The following SAMD5 variants were observed in gnomAD, a reference collection of about 807,000 sequenced individuals.
SAMD5 encodes the protein sterile alpha motif domain containing 5.
Under a neutral mutation model 11.3 loss-of-function variants are expected in SAMD5, and 13 were observed. The observed-to-expected ratio is 1.15, with a 90% CI of 0.75 to 1.83. SAMD5 has a LOEUF of 1.83. SAMD5 is among the 40% of genes most tolerant of loss of function. The probability of loss-of-function intolerance (pLI) is 0.00; values close to 1 mark genes in which losing one functional copy is unlikely to be tolerated. For missense variants in SAMD5, 255 were observed against 239.1 expected (o/e 1.07, Z -0.44); for synonymous variants, 129 against 111.3 (o/e 1.16, Z -1.00).
chr6:147,675,520 G>A (rs973759700), intron 1 of SAMD5, among the ~76,000 whole-genome samples: 1 of 152,188 alleles, frequency 6.6e-6, no homozygotes, highest in Non-Finnish European at 1.5e-5. Context: ...AGGGATGAAT[G>A]TTTCTTTGTT....
At chr6:147,939,329 C>T in the SAMD5 span, among the ~76,000 whole-genome samples, 3 of 152,118 alleles carry the variant, frequency 2.0e-5, no homozygotes, top group African/African-American at 7.2e-5. Flanking sequence ...ACTGATGACT[C>T]AGTCTCTAGC....
intron 1 of SAMD5, among the ~76,000 whole-genome samples, chr6:147,695,298 A>G (rs1791159587): frequency 6.6e-6 from 1 of 151,830 alleles, no homozygotes; most frequent in Non-Finnish European, 1.5e-5. Context: ...AATTAATGAG[A>G]TCTGCTTTGA....
intron 1 of SAMD5, among the ~76,000 whole-genome samples, chr6:147,627,214 G>A (rs371096765): frequency 2.7e-4 from 41 of 152,128 alleles, no homozygotes; most frequent in South Asian, 1.7e-3. Context: ...TTCTCTTTCC[G>A]TGTGTCAAAA....
Position 147,566,330 on chromosome 6 carries a change from A to C in SAMD5, c.*1874A>C. ...TGAACTAGGGTCTTTAAAATTCCTA[A>C]GTAGATTCTTTTGAGTGGTAGGGGA... On this transcript the variant is annotated 3_prime_UTR_variant, in exon 2 of 2. Transcript: ENST00000367474. 4.1e-6 allele frequency: 4 copies of C among 980,728 alleles called. No individual in the cohort carries two copies. The highest frequency in any genetic ancestry group is 3.6e-6 in the Non-Finnish European group (3 of 825,574). 60.8% of individuals were successfully genotyped at this position (980,728 alleles called of 1,614,324 possible). A position where few individuals can be genotyped will look rare whatever the true frequency, so the allele number is the denominator to read the frequency against.
At chr6:147,623,763 A>G (rs1790007344) in intron 1 of SAMD5, among the ~76,000 whole-genome samples, 2 of 152,264 alleles carry the variant, frequency 1.3e-5, no homozygotes, top group Non-Finnish European at 1.5e-5. Flanking sequence ...AGCACATTAG[A>G]GAAATGAAGA....
At chr6:147,662,465 CAT>C (rs1790661547) in intron 1 of SAMD5, among the ~76,000 whole-genome samples, 1 of 152,144 alleles carries the variant, frequency 6.6e-6, no homozygotes, top group South Asian at 2.1e-4. Flanking sequence ...GGCTGATTTC[CAT>C]TTCAATATGT....
At chr6:147,681,967 G>C (rs1355328729) in intron 1 of SAMD5, among the ~76,000 whole-genome samples, 2 of 152,154 alleles carry the variant, frequency 1.3e-5, no homozygotes, top group Non-Finnish European at 2.9e-5. Flanking sequence ...GGGTAGTTGG[G>C]TTAGTAACAT....
the SAMD5 span, among the ~76,000 whole-genome samples, chr6:147,936,934 C>T: frequency 6.6e-6 from 1 of 152,198 alleles, no homozygotes; most frequent in African/African-American, 2.4e-5. Context: ...ATGACATGGG[C>T]ATGAACAGGG....
chr6:147,922,153 C>T, the SAMD5 span, among the ~76,000 whole-genome samples: 1 of 152,036 alleles, frequency 6.6e-6, no homozygotes. Context: ...TCCCCAGGGC[C>T]CGTGTGTGTC....
At chr6:147,773,831 G>A in the SAMD5 span, among the ~76,000 whole-genome samples, 1 of 152,108 alleles carries the variant, frequency 6.6e-6, no homozygotes, top group Non-Finnish European at 1.5e-5. Flanking sequence ...AAAGGGGCAA[G>A]GAAGCCCTCT....
chr6:147,692,681 T>C (rs143285810), intron 1 of SAMD5, among the ~76,000 whole-genome samples: 4 of 152,214 alleles, frequency 2.6e-5, no homozygotes, highest in Non-Finnish European at 5.9e-5. Context: ...GTGACACAAG[T>C]GTGGTCCTGT....
chr6:147,530,247 G>A (rs1035810518), intron 1 of SAMD5, among the ~76,000 whole-genome samples: 4 of 152,172 alleles, frequency 2.6e-5, no homozygotes, highest in Non-Finnish European at 4.4e-5. Flanking sequence ...GAGGTGTTGT[G>A]GACAGGAAAC....
chr6:147,761,513 AAAT>A, the SAMD5 span, among the ~76,000 whole-genome samples: 1 of 152,134 alleles, frequency 6.6e-6, no homozygotes, highest in African/African-American at 2.4e-5. Context: ...CTCTCTAAAA[AAAT>A]CACCTGAAGT....
At chr6:147,856,826 G>GC in the SAMD5 span, among the ~76,000 whole-genome samples, 3 of 116,806 alleles carry the variant, frequency 2.6e-5, no homozygotes, top group African/African-American at 6.8e-5. Context: ...GGGCGCGGGG[G>GC]GGGGGGGAAG....
At chr6:147,684,293 C>T (rs1790979527) in intron 1 of SAMD5, among the ~76,000 whole-genome samples, 1 of 152,092 alleles carries the variant, frequency 6.6e-6, no homozygotes, top group Non-Finnish European at 1.5e-5. Context: ...CATCTTACTT[C>T]TCTATATAAA....
chr6:147,946,554 C>A, the SAMD5 span, among the ~76,000 whole-genome samples: 1 of 152,074 alleles, frequency 6.6e-6, no homozygotes, highest in Admixed American at 6.5e-5. Flanking sequence ...TTGATCTTCA[C>A]AAGACTTAAG....
chr6:147,911,051 G>A, the SAMD5 span, among the ~76,000 whole-genome samples: 21 of 152,280 alleles, frequency 1.4e-4, no homozygotes, highest in African/African-American at 3.4e-4. Context: ...GATATTATTC[G>A]TCCTTGACTT....
the SAMD5 span, among the ~76,000 whole-genome samples, chr6:147,782,491 C>T: frequency 6.6e-6 from 1 of 152,232 alleles, no homozygotes; most frequent in African/African-American, 2.4e-5. Flanking sequence ...GCTCCTAGTG[C>T]AGTGCTTTTT....
At chr6:147,537,937 A>G (rs1788537895) in intron 1 of SAMD5, among the ~76,000 whole-genome samples, 1 of 152,210 alleles carries the variant, frequency 6.6e-6, no homozygotes, top group African/African-American at 2.4e-5. Flanking sequence ...TTACATAAAA[A>G]TCGTCTTTGA....
Sources: gnomAD v4.1 joint callset for allele counts (sites outside exome capture counted in the v4.1 genomes callset) on GRCh38, gnomAD v4.1.1 for gene constraint, MANE v1.5 for transcripts, NCBI Gene and HGNC (gene_info 2026-07-23, HGNC 2026-07-21) for gene names.